CCNJL: variants seen among roughly 807,000 people sequenced by gnomAD.
CCNJL encodes cyclin J like, also known as cyclin-J-like protein.
In CCNJL, 33 loss-of-function variants were observed where a neutral mutation model predicts 33.4. That is an observed-to-expected ratio of 0.99 (90% CI 0.75 to 1.32). The LOEUF is 1.32. CCNJL is among the 40% of genes most tolerant of loss of function. The pLI, the probability that CCNJL is intolerant of heterozygous loss-of-function variation, is 0.00. For missense variants in CCNJL, 512 were observed against 499.7 expected, an observed-to-expected ratio of 1.02 and a Z score of -0.23; for synonymous variants, 227 against 220.9, an observed-to-expected ratio of 1.03 and a Z score of -0.24.
intron 1 of CCNJL, among the ~76,000 whole-genome samples, chr5:160,320,850 C>CTTTCTTTCCTTCTTTCTTTCT (rs1491096774): frequency 5.4e-5 from 3 of 55,582 alleles, no homozygotes; most frequent in Admixed American, 2.1e-4. Flanking sequence ...TCTTTCTTTC[C>CTTTCTTTCCTTCTTTCTTTCT]TTCTTTCTTT....
chr5:160,264,402 A>T (rs57421969), intron 3 of CCNJL, among the ~76,000 whole-genome samples: 8,668 of 151,776 alleles, frequency 0.057, 327 homozygotes, highest in South Asian at 0.19. Context: ...CCCTAACACC[A>T]TTTCCTGAGG....
At chr5:160,282,994 T>C (rs1181479266) in intron 2 of CCNJL, among the ~76,000 whole-genome samples, 2 of 59,674 alleles carry the variant, frequency 3.4e-5, no homozygotes, top group South Asian at 6.8e-4. Flanking sequence ...TATATATATA[T>C]ATATATATAT....
In CCNJL at chr5:160,251,461, C is replaced by T. The variant is rs1033649849; in HGVS notation, c.*1917G>A. On this transcript the variant is annotated 3_prime_UTR_variant, in exon 6 of 6. Transcript: ENST00000257536. ...CGGTGATGGAGCTGGGGTGTCAAGC[C>T]TTATACACCCCTCCGCTGGCCTCTG... 12 of 152,302 alleles carry T rather than the reference C, an allele frequency of 7.9e-5. No individual in the cohort carries two copies. Among genetic ancestry groups the T allele is most frequent in the Admixed American group, 7.2e-4 (11 of 15,302 alleles). 9.4% of individuals were successfully genotyped at this position (152,302 alleles called of 1,614,324 possible).
At chr5:160,265,712 TG>T (rs1207876441) in intron 3 of CCNJL, among the ~76,000 whole-genome samples, 1 of 149,592 alleles carries the variant, frequency 6.7e-6, no homozygotes, top group Non-Finnish European at 1.5e-5. Context: ...AAAAATCAGC[TG>T]GGTGTGGTGG....
intron 2 of CCNJL, among the ~76,000 whole-genome samples, chr5:160,299,340 C>A (rs1762852319): frequency 6.6e-6 from 1 of 151,916 alleles, no homozygotes; most frequent in Non-Finnish European, 1.5e-5. Context: ...TTAGTAGAGA[C>A]AGAGTTTCAC....
chr5:160,274,095 G>T (rs923848517), intron 3 of CCNJL, among the ~76,000 whole-genome samples: 33 of 152,142 alleles, frequency 2.2e-4, no homozygotes, highest in African/African-American at 7.5e-4. Context: ...ACCTGGGATT[G>T]GGAAAAGGAT....
At chr5:160,328,925 G>A (rs555571753) in intron 1 of CCNJL, among the ~76,000 whole-genome samples, 2 of 152,072 alleles carry the variant, frequency 1.3e-5, no homozygotes, top group East Asian at 3.9e-4. Flanking sequence ...AACACACTAG[G>A]CCCTACTATA....
chr5:160,254,926 G>A (rs1760984903), intron 5 of CCNJL: 1 of 152,364 alleles, frequency 6.6e-6, no homozygotes, highest in South Asian at 2.1e-4. Flanking sequence ...GTCCTTCAAT[G>A]CGATTATCTA....
chr5:160,315,020 A>T (rs534824098), upstream of CCNJL, among the ~76,000 whole-genome samples: 41 of 152,268 alleles, frequency 2.7e-4, no homozygotes, highest in Middle Eastern at 6.8e-3. Context: ...TTATTCTTTT[A>T]AAAAAAGCAG....
intron 3 of CCNJL, among the ~76,000 whole-genome samples, chr5:160,260,004 A>C (rs1050777634): frequency 2.0e-5 from 3 of 152,172 alleles, no homozygotes; most frequent in Admixed American, 2.0e-4. Flanking sequence ...CCTCTCTGTG[A>C]CTCAGTTTCC....
intron 3 of CCNJL, among the ~76,000 whole-genome samples, chr5:160,273,383 C>G (rs1046075367): frequency 3.3e-5 from 5 of 152,164 alleles, no homozygotes. Flanking sequence ...TCACAGCCTT[C>G]TTGACCTTGG....
intron 2 of CCNJL, 21 bp downstream of exon 2, chr5:160,311,837 C>A: frequency 6.2e-7 from 1 of 1,609,866 alleles, no homozygotes; most frequent in Non-Finnish European, 8.5e-7. Context: ...TTGAGAGTGA[C>A]AAGGGCAGGG....
At position 160,249,478 on chromosome 5, in the gene CCNJL, C is replaced by G. The variant is rs1193508753; in HGVS notation, c.*3900G>C. On this transcript the variant is annotated 3_prime_UTR_variant, in exon 6 of 6. Transcript: ENST00000257536. ...GTCAGAAAATACTTTTCAAAACAAG[C>G]TGGACCAGGCGTAGTGGCTTATACC... 1.3e-5 allele frequency: 2 copies of G among 152,048 alleles called. No homozygotes were observed. The highest frequency in any genetic ancestry group is 4.8e-5 in the African/African-American group (2 of 41,360). 9.4% of individuals were successfully genotyped at this position (152,048 alleles called of 1,614,324 possible). A position where few individuals can be genotyped will look rare whatever the true frequency, so the allele number is the denominator to read the frequency against.
At chr5:160,311,042 C>T (rs1007392799) in intron 2 of CCNJL, among the ~76,000 whole-genome samples, 8 of 152,122 alleles carry the variant, frequency 5.3e-5, no homozygotes, top group African/African-American at 1.9e-4. Context: ...CACCTGTTCC[C>T]CAAGCCACCC....
chr5:160,320,788 CCTTT>C (rs70990723), intron 1 of CCNJL, among the ~76,000 whole-genome samples: 7,000 of 115,796 alleles, frequency 0.06, 307 homozygotes, highest in Admixed American at 0.081. Context: ...TTCTTTCTTT[CCTTT>C]CTTTCTTTCT....
Position 160,260,202 on chromosome 5 carries a change from G to C in CCNJL, c.281-431C>G, listed in dbSNP as rs543267888. Among the ~76,000 whole-genome samples the C allele has an allele frequency of 2.8e-4, 42 of 152,292 alleles. No individual in the cohort carries two copies. The East Asian group carries it at 7.7e-3, about 28-fold the overall frequency. On this transcript the variant is annotated intron_variant, in intron 3 of 5. Transcript: ENST00000257536. ...TGGCCCTAACCAATCCAACCTCCTG[G>C]CTAGAGTCAGCATGGCCACGCAAAC... is the stretch of plus-strand genomic sequence containing the variant.
chr5:160,337,484 C>T (rs1417714054), intron 1 of CCNJL, among the ~76,000 whole-genome samples: 1 of 152,096 alleles, frequency 6.6e-6, no homozygotes, highest in Non-Finnish European at 1.5e-5. Flanking sequence ...GCATAAAAGC[C>T]AAGTGGTTAC....
At chr5:160,290,969 G>T (rs1351850858) in intron 2 of CCNJL, among the ~76,000 whole-genome samples, 2 of 148,480 alleles carry the variant, frequency 1.3e-5, no homozygotes, top group African/African-American at 5.0e-5. Context: ...AACACTTTGG[G>T]AGGCTGAGAC....
intron 2 of CCNJL, among the ~76,000 whole-genome samples, chr5:160,303,712 GTGTGTGTGTGTGTGTC>G (rs1446794085): frequency 9.0e-4 from 87 of 96,790 alleles, no homozygotes; most frequent in Admixed American, 2.9e-3. Context: ...GTGTGTGTGT[GTGTGTGTGTGTGTGTC>G]TGTGTGTGTG....
Sources: gnomAD v4.1 joint callset for allele counts (sites outside exome capture counted in the v4.1 genomes callset) on GRCh38, gnomAD v4.1.1 for gene constraint, MANE v1.5 for transcripts, NCBI Gene and HGNC (gene_info 2026-07-23, HGNC 2026-07-21) for gene names.